CTTNBP2NL: variants seen among roughly 807,000 people sequenced by gnomAD.
CTTNBP2NL encodes CTTNBP2 N-terminal-like protein.
A neutral mutation model predicts 32.5 loss-of-function variants in CTTNBP2NL; 16 were observed. The ratio of observed to expected loss-of-function variants is 0.49; its 90% CI spans 0.33 to 0.75. CTTNBP2NL has a LOEUF of 0.75. Ranked by LOEUF, CTTNBP2NL falls within the 30% of genes least tolerant of loss-of-function variation. The probability of loss-of-function intolerance (pLI) is 0.02; values close to 1 mark genes in which losing one functional copy is unlikely to be tolerated. For synonymous variants in CTTNBP2NL, 298 were observed against 289.4 expected, an observed-to-expected ratio of 1.03 and a Z score of -0.30; for missense variants, 645 against 756.0, an observed-to-expected ratio of 0.85 and a Z score of 1.72.
intron 3 of CTTNBP2NL, among the ~76,000 whole-genome samples, chr1:112,430,940 A>C (rs1173521593): frequency 6.6e-6 from 1 of 152,184 alleles, no homozygotes; most frequent in Non-Finnish European, 1.5e-5. Context: ...ACTTTTTATC[A>C]TGTCATCATT....
chr1:112,419,009 G>A (rs1313957135), intron 3 of CTTNBP2NL, among the ~76,000 whole-genome samples: 1 of 152,072 alleles, frequency 6.6e-6, no homozygotes, highest in African/African-American at 2.4e-5. Context: ...TTATTTTAAA[G>A]CATTCTTTAA....
intron 2 of CTTNBP2NL, chr1:112,414,745 T>C (rs1479803805): frequency 6.6e-6 from 1 of 152,248 alleles, no homozygotes; most frequent in Non-Finnish European, 1.5e-5. Flanking sequence ...CTTGTATCTT[T>C]ATGTGGTTTG....
At chr1:112,409,610 C>CCCTGCCCTGT (rs1303533994) in intron 1 of CTTNBP2NL, among the ~76,000 whole-genome samples, 2 of 152,174 alleles carry the variant, frequency 1.3e-5, no homozygotes, top group African/African-American at 2.4e-5. Context: ...CTCCACCCTG[C>CCCTGCCCTGT]CCTGCCCTGT....
intron 1 of CTTNBP2NL, among the ~76,000 whole-genome samples, chr1:112,397,581 G>A (rs928336328): frequency 6.6e-6 from 1 of 152,174 alleles, no homozygotes; most frequent in South Asian, 2.1e-4. Context: ...TTACCAAAAA[G>A]TGCCTCTTCT....
chr1:112,457,010 T>G lies in CTTNBP2NL; in HGVS notation c.1518T>G (p.Thr506=). The G allele has an allele frequency of 1.2e-6, 2 of 1,613,944 alleles. No homozygotes were observed. The highest frequency in any genetic ancestry group is 1.7e-6 in the Non-Finnish European group (2 of 1,180,012). The part of the protein sequence containing the change: ...AAKQLARNTV[T]QVLSRFTSQQ... ...AGCAGCTGGCCCGAAACACAGTCAC[T>G]CAGGTGCTCTCCAGATTCACTAGCC... is the stretch of plus-strand genomic sequence containing the variant. The change falls in exon 6 of 6, where the codon ACT becomes ACG. Residue 506 remains threonine (T), a synonymous_variant. Coordinates refer to ENST00000271277, the MANE Select transcript of CTTNBP2NL (RefSeq NM_018704.3).
chr1:112,426,184 T>C (rs2780274), intron 3 of CTTNBP2NL, among the ~76,000 whole-genome samples: 2,511 of 152,206 alleles, frequency 0.016, 55 homozygotes, highest in African/African-American at 0.052. Flanking sequence ...GAATTTTTAT[T>C]AGGAATGGAT....
At chr1:112,437,281 C>T (rs562309453) in intron 3 of CTTNBP2NL, among the ~76,000 whole-genome samples, 1 of 152,302 alleles carries the variant, frequency 6.6e-6, no homozygotes, top group South Asian at 2.1e-4. Flanking sequence ...TCAGCAACCT[C>T]ACCAACATTT....
rs180825074 is a variant in CTTNBP2NL at position 112,447,552 on chromosome 1, A to G, written c.100-1390A>G. 6.8e-4 allele frequency among the ~76,000 whole-genome samples: 104 copies of G among 152,298 alleles called. 1 individual carries two copies. Among genetic ancestry groups the G allele is most frequent in the African/African-American group, 2.4e-3 (101 of 41,570 alleles). Reference sequence around the variant, plus strand: ...AACATTTGCCAGCTGATAAGAACGTAAAATTTTACCATAAGGCTAAGTGAT... The same window carrying G: ...AACATTTGCCAGCTGATAAGAACGTGAAATTTTACCATAAGGCTAAGTGAT... On this transcript the variant is annotated intron_variant, in intron 3 of 5. Coordinates refer to ENST00000271277, the MANE Select transcript of CTTNBP2NL (RefSeq NM_018704.3).
At chr1:112,442,006 A>G (rs1649903644) in intron 3 of CTTNBP2NL, among the ~76,000 whole-genome samples, 2 of 152,232 alleles carry the variant, frequency 1.3e-5, no homozygotes, top group African/African-American at 4.8e-5. Context: ...TTTGGTGATG[A>G]TACTGATAAT....
In CTTNBP2NL at chr1:112,459,368, A is replaced by G. The variant is rs1650476181; in HGVS notation, c.*1956A>G. ...ATATGATTTTGTGTCCATACAGGAGAGGCCTTGGTGTCTTCACATACATTC... is the reference window on the plus strand; with the variant it reads ...ATATGATTTTGTGTCCATACAGGAGGGGCCTTGGTGTCTTCACATACATTC... On this transcript the variant is annotated 3_prime_UTR_variant, in exon 6 of 6. Coordinates refer to ENST00000271277, the MANE Select transcript of CTTNBP2NL (RefSeq NM_018704.3). 1.3e-5 allele frequency: 2 copies of G among 152,342 alleles called. No individual in the cohort carries two copies. Among genetic ancestry groups the G allele is most frequent in the South Asian group, 4.1e-4 (2 of 4,826 alleles). 9.4% of individuals were successfully genotyped at this position (152,342 alleles called of 1,614,324 possible). A position where few individuals can be genotyped will look rare whatever the true frequency, so the allele number is the denominator to read the frequency against.
intron 3 of CTTNBP2NL, among the ~76,000 whole-genome samples, chr1:112,419,245 A>G (rs961174371): frequency 3.9e-5 from 6 of 152,230 alleles, no homozygotes; most frequent in African/African-American, 1.4e-4. Context: ...TTAGAAGTAT[A>G]TTTAGAGTAT....
rs1250453148 is a variant in CTTNBP2NL at position 112,457,526 on chromosome 1, A to G, written c.*114A>G. ...TTTGATAGTAGCTGAAACCATCTGT[A>G]TAATACATTTAGTATATTTCACCAT... On this transcript the variant is annotated 3_prime_UTR_variant, in exon 6 of 6. Coordinates refer to ENST00000271277, the MANE Select transcript of CTTNBP2NL (RefSeq NM_018704.3). 4.4e-6 allele frequency: 4 copies of G among 916,518 alleles called. No individual in the cohort carries two copies. The highest frequency in any genetic ancestry group is 2.5e-5 in the East Asian group (1 of 40,624). 56.8% of individuals were successfully genotyped at this position (916,518 alleles called of 1,614,324 possible). A position where few individuals can be genotyped will look rare whatever the true frequency, so the allele number is the denominator to read the frequency against.
At chr1:112,420,412 G>A (rs2101005804) in intron 3 of CTTNBP2NL, among the ~76,000 whole-genome samples, 1 of 152,018 alleles carries the variant, frequency 6.6e-6, no homozygotes, top group Admixed American at 6.6e-5. Flanking sequence ...CAAAGTGCTG[G>A]GATTACATGC....
rs765789239 is a variant in CTTNBP2NL, at chr1:112,458,220, A to T, written c.*808A>T. On this transcript the variant is annotated 3_prime_UTR_variant, in exon 6 of 6. Transcript: ENST00000271277. The stretch of plus-strand genomic sequence containing the variant: ...TTCTGATTCTGATTGCTGTTACTTG[A>T]ATAGGAAATGGTTACTCATTCTGTA... 2 of 152,666 alleles carry T rather than the reference A, an allele frequency of 1.3e-5. No individual in the cohort carries two copies. Among genetic ancestry groups the T allele is most frequent in the African/African-American group, 2.4e-5 (1 of 41,464 alleles). 9.5% of individuals were successfully genotyped at this position (152,666 alleles called of 1,614,324 possible). A position where few individuals can be genotyped will look rare whatever the true frequency, so the allele number is the denominator to read the frequency against.
chr1:112,444,552 G>C (rs897760559), intron 3 of CTTNBP2NL, among the ~76,000 whole-genome samples: 16 of 152,180 alleles, frequency 1.1e-4, no homozygotes, highest in African/African-American at 3.9e-4. Context: ...TAACCAGCCA[G>C]TTATTTTTCT....
At position 112,457,549 on chromosome 1, in the gene CTTNBP2NL, C is replaced by A; in HGVS notation, c.*137C>A. On this transcript the variant is annotated 3_prime_UTR_variant, in exon 6 of 6. Coordinates refer to ENST00000271277, the MANE Select transcript of CTTNBP2NL (RefSeq NM_018704.3). ...GTATAATACATTTAGTATATTTCAC[C>A]ATTTTGTATTTTTTTAAGTAGAAAC... The A allele has an allele frequency of 1.3e-6, 1 of 780,108 alleles. No individual in the cohort carries two copies. Among genetic ancestry groups the A allele is most frequent in the Non-Finnish European group, 1.9e-6 (1 of 514,634 alleles). 48.3% of individuals were successfully genotyped at this position (780,108 alleles called of 1,614,324 possible). A position where few individuals can be genotyped will look rare whatever the true frequency, so the allele number is the denominator to read the frequency against.
intron 3 of CTTNBP2NL, among the ~76,000 whole-genome samples, chr1:112,437,409 G>T (rs549834738): frequency 9.2e-5 from 14 of 152,304 alleles, no homozygotes; most frequent in African/African-American, 3.4e-4. Context: ...AAATATGCTT[G>T]TTGGCCACAT....
intron 3 of CTTNBP2NL, among the ~76,000 whole-genome samples, chr1:112,420,888 G>T (rs997439006): frequency 6.6e-6 from 1 of 152,222 alleles, no homozygotes; most frequent in Non-Finnish European, 1.5e-5. Context: ...AAGTGTAGCT[G>T]TTAGGAATGT....
chr1:112,433,533 A>G (rs1336690788), intron 3 of CTTNBP2NL, among the ~76,000 whole-genome samples: 3 of 152,244 alleles, frequency 2.0e-5, no homozygotes, highest in Admixed American at 1.3e-4. Context: ...CACAGGTTGC[A>G]GTGAGCCAAG....
Sources: allele counts gnomAD v4.1 joint callset (sites outside exome capture counted in the v4.1 genomes callset), GRCh38; gene constraint gnomAD v4.1.1; transcripts MANE v1.5; gene names NCBI Gene and HGNC (gene_info 2026-07-23, HGNC 2026-07-21).